Variants in TSPAN18 observed in about 807,000 individuals in gnomAD.
TSPAN18 encodes tetraspanin 18.
Under a neutral mutation model 27.3 loss-of-function variants are expected in TSPAN18, and 14 were observed. That is an observed-to-expected ratio of 0.51 (90% CI 0.34 to 0.80). The LOEUF (loss-of-function observed/expected upper bound fraction) is 0.80, where lower values mean the gene tolerates loss of function less well. Ranked by LOEUF, TSPAN18 falls within the 30% of genes least tolerant of loss-of-function variation. The pLI is 0.01. For synonymous variants in TSPAN18, 143 were observed against 136.5 expected, an observed-to-expected ratio of 1.05 and a Z score of -0.33; for missense variants, 268 against 323.9, an observed-to-expected ratio of 0.83 and a Z score of 1.32.
intron 2 of TSPAN18, among the ~76,000 whole-genome samples, chr11:44,789,682 C>A (rs139170138): frequency 6.6e-6 from 1 of 152,114 alleles, no homozygotes; most frequent in Non-Finnish European, 1.5e-5. Context: ...GGGCCTGATA[C>A]CCAGAATGAT....
rs1471049309 is a variant in TSPAN18 at position 44,906,430 on chromosome 11, G to A, written c.14G>A (p.Cys5Tyr). 3.1e-6 allele frequency: 5 copies of A among 1,614,104 alleles called. No homozygotes were observed. The highest frequency in any genetic ancestry group is 3.3e-5 in the Admixed American group (2 of 60,012). The change falls in exon 4 of 10, where the codon TGT becomes TAT. Residue 5 changes from cysteine (C) to tyrosine (Y), a missense_variant. Transcript: ENST00000520358. The stretch of plus-strand genomic sequence containing the variant: ...AGGTGGAGCACCATGGAAGGCGACT[G>A]TCTGAGCTGCATGAAGTATCTGATG... MEGDCLSCMKYLMFV... is the reference protein window; with the variant it reads MEGDYLSCMKYLMFV...
At chr11:44,798,744 G>A (rs16938085) in intron 2 of TSPAN18, among the ~76,000 whole-genome samples, 3,306 of 152,338 alleles carry the variant, frequency 0.022, 132 homozygotes, top group African/African-American at 0.074. Flanking sequence ...CTAGAGTGAG[G>A]AAGCTCTGCC....
chr11:44,811,125 AACACACACACACACACACACAC>A (rs61153202), intron 2 of TSPAN18, among the ~76,000 whole-genome samples: 628 of 142,558 alleles, frequency 4.4e-3, no homozygotes, highest in African/African-American at 7.3e-3. Context: ...CTGGAGTTTT[AACACACACACACACACACACAC>A]ACACACACAC....
chr11:44,771,353 C>G (rs1295012369), intron 2 of TSPAN18, among the ~76,000 whole-genome samples: 1 of 152,196 alleles, frequency 6.6e-6, no homozygotes, highest in East Asian at 1.9e-4. Context: ...TTCATTCATT[C>G]ATTCATATGA....
intron 3 of TSPAN18, among the ~76,000 whole-genome samples, chr11:44,879,209 A>G (rs1207043616): frequency 6.6e-6 from 1 of 152,128 alleles, no homozygotes; most frequent in East Asian, 1.9e-4. Flanking sequence ...GTTAAATCAG[A>G]AATGTGTGAA....
chr11:44,730,013 A>G (rs999616629), intron 1 of TSPAN18, among the ~76,000 whole-genome samples: 2 of 152,174 alleles, frequency 1.3e-5, no homozygotes, highest in African/African-American at 2.4e-5. Context: ...CTATCTTGCA[A>G]CTTAGAGCAG....
intron 8 of TSPAN18, among the ~76,000 whole-genome samples, chr11:44,922,715 T>C (rs905173529): frequency 6.6e-6 from 1 of 152,126 alleles, no homozygotes; most frequent in Non-Finnish European, 1.5e-5. Flanking sequence ...CCAGCCTTCG[T>C]GATGGGTCCT....
At chr11:44,750,408 G>A (rs1290133272) in intron 1 of TSPAN18, among the ~76,000 whole-genome samples, 3 of 152,208 alleles carry the variant, frequency 2.0e-5, no homozygotes, top group African/African-American at 7.2e-5. Context: ...TTGAAACACT[G>A]TATTTACCCA....
At position 44,926,697 on chromosome 11, in the gene TSPAN18, C is replaced by T; in HGVS notation, c.639C>T (p.Asn213=). 1 of 1,614,184 alleles carries T rather than the reference C, an allele frequency of 6.2e-7. No homozygotes were observed. Among genetic ancestry groups the T allele is most frequent in the Non-Finnish European group, 8.5e-7 (1 of 1,180,016 alleles). The change falls in exon 9 of 10, where the codon AAC becomes AAT. Residue 213 remains asparagine, a synonymous_variant. Transcript: ENST00000520358. ...AGGGCTGTTACACGGTGATCCTCAACACCTTCGAGACCTACGTCTACTTGG... is the reference window on the plus strand; with the variant it reads ...AGGGCTGTTACACGGTGATCCTCAATACCTTCGAGACCTACGTCTACTTGG... The part of the protein sequence containing the change: ...NKQGCYTVIL[N]TFETYVYLAG...
At chr11:44,924,973 C>T (rs1256073091) in intron 8 of TSPAN18, among the ~76,000 whole-genome samples, 8 of 152,224 alleles carry the variant, frequency 5.3e-5, no homozygotes, top group Admixed American at 4.6e-4. Flanking sequence ...CTGGGCCTCA[C>T]TGAATGGAGG....
intron 1 of TSPAN18, among the ~76,000 whole-genome samples, chr11:44,729,995 A>G (rs10430995): frequency 0.13 from 19,529 of 151,988 alleles, 2,521 homozygotes; most frequent in East Asian, 0.69. Flanking sequence ...GGCTGAGGAG[A>G]TTCTGAGCTA....
At chr11:44,851,763 A>G (rs553531680) in intron 2 of TSPAN18, among the ~76,000 whole-genome samples, 130 of 152,098 alleles carry the variant, frequency 8.5e-4, no homozygotes, top group African/African-American at 3.1e-3. Context: ...TGCTTAGAGC[A>G]CCTTTCTTCC....
At chr11:44,848,854 AC>A (rs1590573985) in intron 2 of TSPAN18, among the ~76,000 whole-genome samples, 1 of 151,076 alleles carries the variant, frequency 6.6e-6, no homozygotes, top group East Asian at 1.9e-4. Flanking sequence ...GGCTCCCCCC[AC>A]CCCCCTGGCC....
At chr11:44,899,343 C>G (rs1245204024) in intron 3 of TSPAN18, among the ~76,000 whole-genome samples, 1 of 152,220 alleles carries the variant, frequency 6.6e-6, no homozygotes, top group Non-Finnish European at 1.5e-5. Flanking sequence ...CTCCAAAACC[C>G]AAGACACTTG....
intron 2 of TSPAN18, among the ~76,000 whole-genome samples, chr11:44,839,492 C>A (rs1473048106): frequency 6.6e-6 from 1 of 152,148 alleles, no homozygotes; most frequent in African/African-American, 2.4e-5. Context: ...AGTATATCCT[C>A]CTGTCTTCCT....
intron 2 of TSPAN18, among the ~76,000 whole-genome samples, chr11:44,842,889 C>G (rs1275320772): frequency 6.6e-6 from 1 of 152,128 alleles, no homozygotes; most frequent in Non-Finnish European, 1.5e-5. Context: ...CTCTCCTATG[C>G]CCCATCCCAA....
At chr11:44,807,683 A>G (rs916212969) in intron 2 of TSPAN18, among the ~76,000 whole-genome samples, 9 of 152,074 alleles carry the variant, frequency 5.9e-5, no homozygotes, top group Admixed American at 5.2e-4. Context: ...GGTTGAGTGG[A>G]TTAGAGACTT....
chr11:44,923,629 G>T (rs1860230081), intron 8 of TSPAN18, among the ~76,000 whole-genome samples: 1 of 152,178 alleles, frequency 6.6e-6, no homozygotes, highest in African/African-American at 2.4e-5. Context: ...GTAAATCCTG[G>T]CTTCCCTTCC....
intron 5 of TSPAN18, among the ~76,000 whole-genome samples, chr11:44,916,587 C>T (rs1859919509): frequency 6.6e-6 from 1 of 152,150 alleles, no homozygotes; most frequent in East Asian, 1.9e-4. Context: ...TCCACATCCC[C>T]ATTTTTCTGG....
Sources: allele counts gnomAD v4.1 joint callset (sites outside exome capture counted in the v4.1 genomes callset), GRCh38; gene constraint gnomAD v4.1.1; transcripts MANE v1.5; gene names NCBI Gene and HGNC (gene_info 2026-07-23, HGNC 2026-07-21).